The following BCAS3 variants were observed in gnomAD, a reference collection of about 807,000 sequenced individuals.
BCAS3 encodes BCAS3 microtubule associated cell migration factor.
Under a neutral mutation model 116.1 loss-of-function variants are expected in BCAS3, and 53 were observed. The ratio of observed to expected loss-of-function variants is 0.46; its 90% CI spans 0.37 to 0.57. The LOEUF (loss-of-function observed/expected upper bound fraction) is 0.57, where lower values mean the gene tolerates loss of function less well. BCAS3 is among the 20% of genes least tolerant of loss of function. BCAS3 has a pLI of 0.00. For missense variants in BCAS3, 917 were observed against 1,165.4 expected (o/e 0.79, Z 3.10); for synonymous variants, 391 against 408.2 (o/e 0.96, Z 0.51).
At position 61,082,182 on chromosome 17, in the gene BCAS3, C is replaced by T. The variant is rs16944806; in HGVS notation, c.2328-2285C>T. On this transcript the variant is annotated intron_variant, in intron 21 of 23. Coordinates refer to ENST00000407086, the MANE Select transcript of BCAS3 (RefSeq NM_017679.5). This position sits in a 1 kb window ranked among gnomAD's most constrained non-coding sequence, Gnocchi z 5.1. ...AGTATGCAAAGCCTCTCTTTCCACT[C>T]GATTAGCTCCTCAGAAATTGGTTAT... is the stretch of plus-strand genomic sequence containing the variant. Among the ~76,000 whole-genome samples the T allele has an allele frequency of 2.7e-3, 412 of 152,214 alleles. 1 individual carries two copies. The highest frequency in any genetic ancestry group is 9.4e-3 in the African/African-American group (389 of 41,536).
intron 6 of BCAS3, among the ~76,000 whole-genome samples, chr17:60,772,647 A>G (rs1016696408): frequency 5.3e-5 from 8 of 152,170 alleles, no homozygotes; most frequent in Non-Finnish European, 8.8e-5. Flanking sequence ...TGGGAGGCTG[A>G]GGTTGGTGGA....
In BCAS3 at chr17:61,106,378, G is replaced by A. The variant is rs1194927090; in HGVS notation, c.2425+21814G>A. ...CACAAATACTGACCATTGTGTTACA[G>A]TTGCCTACAGTATTCGGTACAGTAA... On this transcript the variant is annotated intron_variant, in intron 22 of 23. Coordinates refer to ENST00000407086, the MANE Select transcript of BCAS3 (RefSeq NM_017679.5). The surrounding 1 kb of genome is among the most constrained non-coding windows in gnomAD (Gnocchi z 4.2). Among the ~76,000 whole-genome samples the A allele has an allele frequency of 2.0e-5, 3 of 152,142 alleles. No homozygotes were observed. Among genetic ancestry groups the A allele is most frequent in the Admixed American group, 6.5e-5 (1 of 15,278 alleles).
At chr17:60,839,054 T>C (rs907436759) in intron 7 of BCAS3, among the ~76,000 whole-genome samples, 2 of 152,212 alleles carry the variant, frequency 1.3e-5, no homozygotes, top group Non-Finnish European at 2.9e-5. Flanking sequence ...AAGTAGATAA[T>C]GTATGTATTT....
intron 22 of BCAS3, among the ~76,000 whole-genome samples, chr17:61,234,404 C>G (rs2082871303): frequency 6.6e-6 from 1 of 152,182 alleles, no homozygotes; most frequent in Non-Finnish European, 1.5e-5. Context: ...CTGTTTTCCA[C>G]CTGTCATCTC....
chr17:60,689,811 G>A (rs1266713076), intron 4 of BCAS3, 50 bp downstream of exon 4: 1 of 1,276,164 alleles, frequency 7.8e-7, no homozygotes, highest in Non-Finnish European at 1.1e-6. Flanking sequence ...TTTGTTTGGA[G>A]TACCTGATTC....
At position 61,097,300 on chromosome 17, in the gene BCAS3, TC is replaced by T. The variant is rs1601206312; in HGVS notation, c.2425+12739del. ...TTCATGCCATTCTCTTGCCTCAGCC[TC>T]CCGAGTAGCTGGGACTACAGGCGCC... On this transcript the variant is annotated intron_variant, in intron 22 of 23. Coordinates refer to ENST00000407086, the MANE Select transcript of BCAS3 (RefSeq NM_017679.5). This position sits in a 1 kb window ranked among gnomAD's most constrained non-coding sequence, Gnocchi z 4.0. Among the ~76,000 whole-genome samples the T allele has an allele frequency of 6.6e-6, 1 of 152,142 alleles. No homozygotes were observed. The highest frequency in any genetic ancestry group is 1.9e-4 in the East Asian group (1 of 5,198).
At chr17:60,705,654 C>T (rs1230544325) in intron 4 of BCAS3, among the ~76,000 whole-genome samples, 1 of 152,032 alleles carries the variant, frequency 6.6e-6, no homozygotes, top group African/African-American at 2.4e-5. Context: ...TAAGAGAAGA[C>T]AGCTTGATGG....
chr17:60,711,757 A>G (rs190209447), intron 5 of BCAS3, among the ~76,000 whole-genome samples: 40 of 152,094 alleles, frequency 2.6e-4, no homozygotes, highest in African/African-American at 9.4e-4. Flanking sequence ...TAGTACCACT[A>G]TTTCATGAAT....
chr17:61,329,347 T>TA (rs2056034377), intron 22 of BCAS3, among the ~76,000 whole-genome samples: 3 of 146,264 alleles, frequency 2.1e-5, no homozygotes, highest in Non-Finnish European at 4.5e-5. Context: ...ATTATTATTT[T>TA]TTTTTTTTTT....
chr17:60,943,542 A>G (rs1336187483), intron 13 of BCAS3, among the ~76,000 whole-genome samples: 1 of 152,102 alleles, frequency 6.6e-6, no homozygotes, highest in Non-Finnish European at 1.5e-5. Flanking sequence ...CTAAATGTGT[A>G]TGAACCTTGC....
chr17:61,061,633 C>T (rs1162822643), intron 19 of BCAS3, among the ~76,000 whole-genome samples: 1 of 152,178 alleles, frequency 6.6e-6, no homozygotes. Flanking sequence ...TCCATATATG[C>T]TCTACTCATC....
intron 22 of BCAS3, chr17:61,353,813 C>G (rs1270665685): frequency 2.0e-5 from 3 of 152,230 alleles, no homozygotes; most frequent in African/African-American, 7.2e-5. Context: ...TGAACAGATG[C>G]TCTGACATGT....
intron 22 of BCAS3, among the ~76,000 whole-genome samples, chr17:61,237,321 C>T (rs1355355667): frequency 1.3e-5 from 2 of 152,148 alleles, no homozygotes; most frequent in Admixed American, 1.3e-4. Context: ...CCAATCAGTG[C>T]TCTGTAAAAT....
At chr17:61,194,861 A>G (rs2144249223) in intron 22 of BCAS3, among the ~76,000 whole-genome samples, 1 of 152,122 alleles carries the variant, frequency 6.6e-6, no homozygotes, top group African/African-American at 2.4e-5. Context: ...TTCACTTTCC[A>G]TCTCCAGCTC....
At chr17:61,138,526 A>G (rs557796921) in intron 22 of BCAS3, among the ~76,000 whole-genome samples, 2 of 152,312 alleles carry the variant, frequency 1.3e-5, no homozygotes, top group South Asian at 4.1e-4. Flanking sequence ...AACATTTCTG[A>G]ACATCTTTTT....
chr17:61,206,672 A>C (rs1183926195), intron 22 of BCAS3, among the ~76,000 whole-genome samples: 2 of 151,800 alleles, frequency 1.3e-5, no homozygotes, highest in Non-Finnish European at 2.9e-5. Context: ...ATGGTTGTGC[A>C]CACCTGTAAT....
At chr17:60,690,967 C>T (rs972928385) in intron 4 of BCAS3, among the ~76,000 whole-genome samples, 1 of 151,994 alleles carries the variant, frequency 6.6e-6, no homozygotes. Flanking sequence ...GAGTCTCACT[C>T]TGTCGCCCAG....
intron 22 of BCAS3, among the ~76,000 whole-genome samples, chr17:61,143,629 C>T (rs2077041625): frequency 6.6e-6 from 1 of 151,624 alleles, no homozygotes. Flanking sequence ...GCCAATATGG[C>T]GAGACCCCGC....
chr17:61,003,618 C>G (rs2064436434), intron 15 of BCAS3, among the ~76,000 whole-genome samples: 1 of 151,954 alleles, frequency 6.6e-6, no homozygotes, highest in Admixed American at 6.6e-5. Flanking sequence ...CAACCCTTGA[C>G]TGTCCATTAT....
Sources: gnomAD v4.1 joint callset for allele counts (sites outside exome capture counted in the v4.1 genomes callset) on GRCh38, gnomAD v4.1.1 for gene constraint, Gnocchi (gnomAD v3.1) non-coding constraint, MANE v1.5 for transcripts, NCBI Gene and HGNC (gene_info 2026-07-23, HGNC 2026-07-21) for gene names.